The following SKAP1 variants were observed in gnomAD, a reference collection of about 807,000 sequenced individuals.
SKAP1 encodes src kinase associated phosphoprotein 1, also known as src kinase-associated phosphoprotein 1.
In SKAP1, 44 loss-of-function variants were observed where a neutral mutation model predicts 58.5. That is an observed-to-expected ratio of 0.75 (90% CI 0.59 to 0.97). The LOEUF is 0.97. SKAP1 is among the 50% of genes least tolerant of loss of function. The pLI is 0.00. For missense variants in SKAP1, 390 were observed against 435.2 expected, an observed-to-expected ratio of 0.90 and a Z score of 0.92; for synonymous variants, 127 against 149.7, an observed-to-expected ratio of 0.85 and a Z score of 1.11.
chr17:48,434,382 A>G (rs1423278358), upstream of SKAP1, among the ~76,000 whole-genome samples: 1 of 152,220 alleles, frequency 6.6e-6, no homozygotes, highest in Non-Finnish European at 1.5e-5. Flanking sequence ...ACGTTACTTC[A>G]GTGGCCTAAA....
intron 4 of SKAP1, among the ~76,000 whole-genome samples, chr17:48,197,985 C>G (rs1405314216): frequency 6.6e-6 from 1 of 152,148 alleles, no homozygotes; most frequent in Non-Finnish European, 1.5e-5. Context: ...ATGGTAACTT[C>G]AATGCACTAA....
At chr17:48,433,780 A>G (rs1381183834), upstream of SKAP1, among the ~76,000 whole-genome samples, 1 of 152,208 alleles carries the variant, frequency 6.6e-6, no homozygotes, top group African/African-American at 2.4e-5. Context: ...ACGCACTGTC[A>G]GCAGACAGAA....
chr17:48,205,025 TTCTTTCTTTCTTTC>T (rs1567819995), intron 4 of SKAP1, among the ~76,000 whole-genome samples: 5 of 34,598 alleles, frequency 1.4e-4, no homozygotes, highest in Non-Finnish European at 2.5e-4. Context: ...TTTTCTTTCT[TTCTTTCTTTCTTTC>T]TCTCTCTCTC....
At chr17:48,178,746 T>C (rs1479669194) in intron 9 of SKAP1, among the ~76,000 whole-genome samples, 1 of 152,220 alleles carries the variant, frequency 6.6e-6, no homozygotes, top group Non-Finnish European at 1.5e-5. Flanking sequence ...TTAACGACGA[T>C]GACTTGCTGA....
intron 2 of SKAP1, among the ~76,000 whole-genome samples, chr17:48,365,779 CTTT>C (rs11320627): frequency 1.3e-3 from 176 of 139,590 alleles, no homozygotes; most frequent in African/African-American, 1.2e-3. Context: ...TGCGTCGGAG[CTTT>C]TTTTTTTTTT....
intron 1 of SKAP1, among the ~76,000 whole-genome samples, chr17:48,411,021 C>T (rs1039793474): frequency 6.8e-6 from 1 of 147,198 alleles, no homozygotes; most frequent in African/African-American, 2.5e-5. Context: ...ATTTCCACAA[C>T]AAAATAAAGT....
chr17:48,438,873 AGT>A, the SKAP1 span, among the ~76,000 whole-genome samples: 1 of 151,994 alleles, frequency 6.6e-6, no homozygotes, highest in East Asian at 1.9e-4. Flanking sequence ...CGACTTGGGG[AGT>A]GTGTGGGAGG....
chr17:48,198,801 T>C (rs1054176135), intron 4 of SKAP1, among the ~76,000 whole-genome samples: 3 of 152,182 alleles, frequency 2.0e-5, no homozygotes, highest in Admixed American at 6.6e-5. Context: ...TAAGAATCCA[T>C]CCTTAATATA....
At chr17:48,252,889 T>C (rs751905306) in intron 4 of SKAP1, among the ~76,000 whole-genome samples, 9 of 152,200 alleles carry the variant, frequency 5.9e-5, no homozygotes, top group African/African-American at 9.7e-5. Flanking sequence ...TGCTGCTTTA[T>C]TGCTGGAGTA....
At chr17:48,148,284 G>A (rs1252387747) in intron 11 of SKAP1, among the ~76,000 whole-genome samples, 1 of 152,150 alleles carries the variant, frequency 6.6e-6, no homozygotes, top group African/African-American at 2.4e-5. Context: ...GTGAAATAGG[G>A]CTGTAAAGAA....
At chr17:48,239,355 C>A (rs549166733) in intron 4 of SKAP1, among the ~76,000 whole-genome samples, 52 of 152,232 alleles carry the variant, frequency 3.4e-4, no homozygotes, top group Non-Finnish European at 1.3e-4. Context: ...TCTGTCCTGG[C>A]GAACATCAGC....
intron 4 of SKAP1, among the ~76,000 whole-genome samples, chr17:48,324,913 C>A (rs754826578): frequency 6.6e-6 from 1 of 152,000 alleles, no homozygotes; most frequent in Non-Finnish European, 1.5e-5. Flanking sequence ...GCCACCCAAC[C>A]ATGGTCAGCC....
chr17:48,157,788 CA>C (rs1436010907), intron 11 of SKAP1, among the ~76,000 whole-genome samples: 1 of 151,850 alleles, frequency 6.6e-6, no homozygotes, highest in Non-Finnish European at 1.5e-5. Context: ...CTCGGCCTCC[CA>C]AAGTGTTGGG....
At chr17:48,180,940 G>C (rs2064359247) in intron 8 of SKAP1, among the ~76,000 whole-genome samples, 1 of 152,162 alleles carries the variant, frequency 6.6e-6, no homozygotes, top group Non-Finnish European at 1.5e-5. Context: ...GGGAGCACCA[G>C]GGCAGGGGAG....
intron 4 of SKAP1, among the ~76,000 whole-genome samples, chr17:48,235,986 G>A (rs1198900508): frequency 6.6e-6 from 1 of 152,218 alleles, no homozygotes; most frequent in Non-Finnish European, 1.5e-5. Flanking sequence ...TTTGGGTGGA[G>A]TGGCAGACAC....
At chr17:48,431,368 A>C (rs533687740), upstream of SKAP1, among the ~76,000 whole-genome samples, 1 of 152,364 alleles carries the variant, frequency 6.6e-6, no homozygotes, top group Non-Finnish European at 1.5e-5. Context: ...TTAAAGGTGC[A>C]TGTGGTGTTT....
At chr17:48,444,986 G>A in the SKAP1 span, among the ~76,000 whole-genome samples, 1 of 152,134 alleles carries the variant, frequency 6.6e-6, no homozygotes, top group Non-Finnish European at 1.5e-5. Flanking sequence ...CCAAACGAGG[G>A]TGTTTCTGAG....
chr17:48,342,257 T>A (rs1478780599), intron 4 of SKAP1, among the ~76,000 whole-genome samples: 1 of 152,210 alleles, frequency 6.6e-6, no homozygotes, highest in Non-Finnish European at 1.5e-5. Flanking sequence ...ATGGTGGGGC[T>A]GTGCTCTTGT....
At chr17:48,231,412 G>T (rs1224152554) in intron 4 of SKAP1, among the ~76,000 whole-genome samples, 1 of 151,996 alleles carries the variant, frequency 6.6e-6, no homozygotes, top group East Asian at 1.9e-4. Flanking sequence ...ACAGCCTGAA[G>T]AAAGAAGGCT....
Sources: allele counts gnomAD v4.1 joint callset (sites outside exome capture counted in the v4.1 genomes callset), GRCh38; gene constraint gnomAD v4.1.1; transcripts MANE v1.5; gene names NCBI Gene and HGNC (gene_info 2026-07-23, HGNC 2026-07-21).